Variants in ZNF704 observed in about 807,000 individuals in gnomAD.
ZNF704 encodes glucocorticoid induced gene 1.
In ZNF704, 10 loss-of-function variants were observed where a neutral mutation model predicts 44.7. That is an observed-to-expected ratio of 0.22 (90% CI 0.14 to 0.38). ZNF704 has a LOEUF of 0.38. Ranked by LOEUF, ZNF704 falls within the 10% of genes least tolerant of loss-of-function variation. ZNF704 has a pLI of 1.00. For synonymous variants in ZNF704, 211 were observed against 207.6 expected (o/e 1.02, Z -0.14); for missense variants, 390 against 545.5 (o/e 0.71, Z 2.84).
intron 2 of ZNF704, among the ~76,000 whole-genome samples, chr8:80,726,640 T>C (rs1806485055): frequency 1.3e-5 from 2 of 152,182 alleles, no homozygotes; most frequent in South Asian, 4.1e-4. Context: ...GCCAAAATGT[T>C]GATAATTACT....
intron 2 of ZNF704, among the ~76,000 whole-genome samples, chr8:80,809,128 T>C (rs1329458452): frequency 1.3e-5 from 2 of 152,094 alleles, no homozygotes; most frequent in African/African-American, 4.8e-5. Flanking sequence ...CCTGTCCTAC[T>C]ACAAACACAA....
At chr8:80,876,850 C>G (rs1479730389), upstream of ZNF704, among the ~76,000 whole-genome samples, 1 of 152,110 alleles carries the variant, frequency 6.6e-6, no homozygotes, top group Non-Finnish European at 1.5e-5. Flanking sequence ...TAAGTAAGCT[C>G]AGTAATGTCA....
chr8:80,833,431 C>A (rs956489082), intron 1 of ZNF704, among the ~76,000 whole-genome samples: 1 of 152,118 alleles, frequency 6.6e-6, no homozygotes, highest in African/African-American at 2.4e-5. Flanking sequence ...AAAAATGACA[C>A]CCAAAAACAG....
intron 2 of ZNF704, among the ~76,000 whole-genome samples, chr8:80,711,966 T>C (rs1247789291): frequency 1.3e-5 from 2 of 152,204 alleles, no homozygotes; most frequent in East Asian, 1.9e-4. Context: ...GTAATCTCTT[T>C]AGTCTTTAAA....
intron 4 of ZNF704, among the ~76,000 whole-genome samples, chr8:80,684,227 T>C (rs912145474): frequency 1.3e-5 from 2 of 152,220 alleles, no homozygotes; most frequent in African/African-American, 4.8e-5. Flanking sequence ...AATTGTATTA[T>C]CTCTTTATAA....
rs1159540600 is a variant in ZNF704 at position 80,645,177 on chromosome 8, G to A, written c.1033-2048C>T. ...GTAAATTTGTTTGTGCGACATGATC[G>A]CTCGGTTTGCTAGCCTTCAGCCCCG... is the stretch of plus-strand genomic sequence containing the variant. On this transcript the variant is annotated intron_variant, in intron 7 of 8. Coordinates refer to ENST00000327835, the MANE Select transcript of ZNF704 (RefSeq NM_001033723.3). 41 of 1,586,490 alleles carry A rather than the reference G, an allele frequency of 2.6e-5. No homozygotes were observed. In the Admixed American group the frequency reaches 4.6e-4, roughly 18 times the overall value.
intron 2 of ZNF704, among the ~76,000 whole-genome samples, chr8:80,751,072 CAA>C (rs1332883274): frequency 1.3e-5 from 2 of 151,998 alleles, no homozygotes; most frequent in African/African-American, 4.8e-5. Flanking sequence ...TTTAATAAAA[CAA>C]TGTTAATGAG....
At position 80,736,548 on chromosome 8, in the gene ZNF704, G is replaced by C. The variant is rs545778108; in HGVS notation, c.222-43441C>G. Among the ~76,000 whole-genome samples the C allele has an allele frequency of 2.0e-5, 3 of 152,086 alleles. No individual in the cohort carries two copies. The East Asian group carries it at 5.8e-4, about 29-fold the overall frequency. On this transcript the variant is annotated intron_variant, in intron 2 of 8. Coordinates refer to ENST00000327835, the MANE Select transcript of ZNF704 (RefSeq NM_001033723.3). ...CCGCCTAAGCCTCCCAAAGTGCTGG[G>C]ATTACAGGAATGTTACTGTTTCTAC...
At chr8:80,758,909 A>G (rs926186682) in intron 2 of ZNF704, among the ~76,000 whole-genome samples, 1 of 152,222 alleles carries the variant, frequency 6.6e-6, no homozygotes, top group East Asian at 1.9e-4. Flanking sequence ...CCCATTTTAC[A>G]GAGAAAGAAA....
chr8:80,675,456 G>T (rs1164938300), intron 4 of ZNF704, among the ~76,000 whole-genome samples: 1 of 150,212 alleles, frequency 6.7e-6, no homozygotes, highest in East Asian at 1.9e-4. Flanking sequence ...GACACTGTAT[G>T]ACTTAAGTTT....
chr8:80,775,086 A>G (rs1807388952), intron 2 of ZNF704, among the ~76,000 whole-genome samples: 1 of 152,198 alleles, frequency 6.6e-6, no homozygotes, highest in Non-Finnish European at 1.5e-5. Context: ...CGAGCTTCCA[A>G]AAGTGGAAAT....
rs564726037 is a variant in ZNF704 at position 80,690,512 on chromosome 8, C to A, written c.325+2492G>T. 1.8e-4 allele frequency among the ~76,000 whole-genome samples: 28 copies of A among 152,178 alleles called. No homozygotes were observed. The South Asian group carries it at 5.4e-3, about 29-fold the overall frequency. On this transcript the variant is annotated intron_variant, in intron 3 of 8. Transcript: ENST00000327835. Reference sequence around the variant, plus strand: ...AGTGGCACCATAAGCTCAATGCAACCCCAAAATCCTAGGCCGGGACTACAG... The same window carrying A: ...AGTGGCACCATAAGCTCAATGCAACACCAAAATCCTAGGCCGGGACTACAG...
At chr8:80,866,271 T>C (rs1809153269) in intron 1 of ZNF704, among the ~76,000 whole-genome samples, 1 of 152,206 alleles carries the variant, frequency 6.6e-6, no homozygotes, top group African/African-American at 2.4e-5. Flanking sequence ...GAAAAGCGAC[T>C]TCATACCTCT....
chr8:80,698,033 T>G (rs1035491134), intron 2 of ZNF704, among the ~76,000 whole-genome samples: 29 of 152,228 alleles, frequency 1.9e-4, no homozygotes, highest in African/African-American at 1.2e-4. Flanking sequence ...TTGGCCAGAC[T>G]GTCCACAAAT....
rs1801986354 is a variant in ZNF704 at position 80,687,409 on chromosome 8, G to A, written c.375C>T (p.Thr125=). Residue 125 remains threonine (T), a synonymous_variant, in exon 4 of 9, where the codon ACC becomes ACT. Coordinates refer to ENST00000327835, the MANE Select transcript of ZNF704 (RefSeq NM_001033723.3). ...WKEGGCVPSS[T]SSSGYWSWSA... ...TCCAGCTCCAGTAGCCGCTGCTGCT[G>A]GTGCTGGAAGGCACGCAGCCGCCCT... 2 of 1,600,074 alleles carry A rather than the reference G, an allele frequency of 1.2e-6. No individual in the cohort carries two copies. Among genetic ancestry groups the A allele is most frequent in the Non-Finnish European group, 1.7e-6 (2 of 1,175,320 alleles).
intron 2 of ZNF704, among the ~76,000 whole-genome samples, chr8:80,796,876 G>A (rs1807810700): frequency 6.8e-6 from 1 of 147,324 alleles, no homozygotes; most frequent in Non-Finnish European, 1.5e-5. Context: ...AAGAGAGAAA[G>A]AGAGAGGGAA....
intron 1 of ZNF704, among the ~76,000 whole-genome samples, chr8:80,837,160 G>C (rs866378880): frequency 2.0e-5 from 3 of 152,072 alleles, no homozygotes; most frequent in Non-Finnish European, 2.9e-5. Flanking sequence ...CAGGCTAAAA[G>C]CACTTTCCTA....
intron 2 of ZNF704, among the ~76,000 whole-genome samples, chr8:80,719,084 G>A (rs1819121643): frequency 6.6e-6 from 1 of 151,858 alleles, no homozygotes; most frequent in East Asian, 1.9e-4. Context: ...CTCCACCTCA[G>A]CCTCCCTAGT....
chr8:80,637,175 T>A lies in ZNF704; in HGVS notation c.*4191A>T, dbSNP rs1033255936. The stretch of plus-strand genomic sequence containing the variant: ...CCTCACAAATGTCAGTACTGCCCAG[T>A]TCACATAAATTTGTCTTGAAATGAT... On this transcript the variant is annotated 3_prime_UTR_variant, in exon 9 of 9. Coordinates refer to ENST00000327835, the MANE Select transcript of ZNF704 (RefSeq NM_001033723.3). 5 of 151,838 alleles carry A rather than the reference T, an allele frequency of 3.3e-5. No homozygotes were observed. The highest frequency in any genetic ancestry group is 4.9e-5 in the African/African-American group (2 of 41,208). The allele number at this position is 151,838 out of a possible 1,614,324, so 9.4% of individuals were successfully genotyped here.
Sources: allele counts gnomAD v4.1 joint callset (sites outside exome capture counted in the v4.1 genomes callset), GRCh38; gene constraint gnomAD v4.1.1; transcripts MANE v1.5; gene names NCBI Gene and HGNC (gene_info 2026-07-23, HGNC 2026-07-21).